The following DLGAP1 variants were observed in gnomAD, a reference collection of about 807,000 sequenced individuals.
DLGAP1 encodes DLG associated protein 1, also known as disks large-associated protein 1.
In DLGAP1, 11 loss-of-function variants were observed where a neutral mutation model predicts 90.8. The ratio of observed to expected loss-of-function variants is 0.12; its 90% CI spans 0.08 to 0.20. The LOEUF (loss-of-function observed/expected upper bound fraction) is 0.20. Ranked by LOEUF, DLGAP1 falls within the 10% of genes least tolerant of loss-of-function variation. The pLI is 1.00. For synonymous variants in DLGAP1, 558 were observed against 540.7 expected (o/e 1.03, Z -0.44); for missense variants, 1,050 against 1,333.8 (o/e 0.79, Z 3.31).
At chr18:3,576,324 A>T (rs1191994848) in intron 8 of DLGAP1, among the ~76,000 whole-genome samples, 2 of 149,174 alleles carry the variant, frequency 1.3e-5, no homozygotes, top group Non-Finnish European at 3.0e-5. Flanking sequence ...CAGTGGCGCG[A>T]TCTCGGCTCA....
intron 1 of DLGAP1, among the ~76,000 whole-genome samples, chr18:4,440,564 T>G (rs1300120476): frequency 6.6e-6 from 1 of 152,048 alleles, no homozygotes; most frequent in Non-Finnish European, 1.5e-5. Context: ...ACATTCAAAT[T>G]TGGGGGGAGG....
chr18:4,438,467 C>T (rs1323785708), intron 1 of DLGAP1, among the ~76,000 whole-genome samples: 2 of 145,098 alleles, frequency 1.4e-5, no homozygotes, highest in East Asian at 2.1e-4. Flanking sequence ...AATCTCATCT[C>T]ATATGCCCAC....
chr18:3,523,223 A>C (rs513459), intron 10 of DLGAP1, among the ~76,000 whole-genome samples: 54,487 of 151,360 alleles, frequency 0.36, 10,185 homozygotes, highest in East Asian at 0.56. Flanking sequence ...AAAATACAAA[A>C]AAATTTAGCC....
chr18:4,044,459 C>A (rs1373969163), intron 2 of DLGAP1, among the ~76,000 whole-genome samples: 5 of 152,092 alleles, frequency 3.3e-5, no homozygotes, highest in African/African-American at 1.2e-4. Flanking sequence ...AATACAAATC[C>A]CGGCCAGGCA....
intron 5 of DLGAP1, among the ~76,000 whole-genome samples, chr18:3,749,947 T>C (rs1355832975): frequency 6.6e-6 from 1 of 152,212 alleles, no homozygotes; most frequent in Non-Finnish European, 1.5e-5. Context: ...CATTTAAATA[T>C]GGTTTCTTCT....
At chr18:3,960,124 G>GA (rs2073168321) in intron 3 of DLGAP1, among the ~76,000 whole-genome samples, 1 of 152,176 alleles carries the variant, frequency 6.6e-6, no homozygotes, top group African/African-American at 2.4e-5. Context: ...GCACTCCCTT[G>GA]AAAACTCTTC....
Position 4,108,994 on chromosome 18 carries a change from C to T in DLGAP1, c.-159+42186G>A, listed in dbSNP as rs146908216. Among the ~76,000 whole-genome samples, 18 of 152,214 alleles carry T rather than the reference C, an allele frequency of 1.2e-4. 1 individual carries two copies. In the East Asian group the frequency reaches 2.1e-3, roughly 18 times the overall value. On this transcript the variant is annotated intron_variant, in intron 2 of 12. Transcript: ENST00000315677. The stretch of plus-strand genomic sequence containing the variant: ...AACAGGTATAAGTTCTAAGGAGACA[C>T]GAAAGAACTCCGTAATGTTTGGAGC...
chr18:4,289,172 G>C (rs557019098), intron 1 of DLGAP1, among the ~76,000 whole-genome samples: 1 of 152,312 alleles, frequency 6.6e-6, no homozygotes, highest in South Asian at 2.1e-4. Context: ...AAGAAGGACT[G>C]GCTGAATGAA....
chr18:3,549,258 GTGTC>G lies in DLGAP1; in HGVS notation c.2058-14647_2058-14644del, dbSNP rs368315880. ...AAAATAAATCTTTACACATTTTTTAGTGTCTGTCCTTAGGAATGCTGAAGATTTA... is the reference window on the plus strand; with the variant it reads ...AAAATAAATCTTTACACATTTTTTAGTGTCCTTAGGAATGCTGAAGATTTA... On this transcript the variant is annotated intron_variant, in intron 9 of 12. Transcript: ENST00000315677. 1.5e-3 allele frequency among the ~76,000 whole-genome samples: 235 copies of G among 151,764 alleles called. 5 individuals carry two copies. Among genetic ancestry groups the G allele is most frequent in the East Asian group, 0.013 (67 of 5,156 alleles).
chr18:4,410,041 T>C (rs1372631419), intron 1 of DLGAP1, among the ~76,000 whole-genome samples: 1 of 152,142 alleles, frequency 6.6e-6, no homozygotes, highest in Non-Finnish European at 1.5e-5. Context: ...TTATTCTAAG[T>C]GAAGTAACTC....
At chr18:4,277,366 G>A (rs2079439785) in intron 1 of DLGAP1, among the ~76,000 whole-genome samples, 2 of 152,190 alleles carry the variant, frequency 1.3e-5, no homozygotes, top group African/African-American at 4.8e-5. Context: ...GTGTGTGTGT[G>A]TAAGCTTATT....
intron 1 of DLGAP1, among the ~76,000 whole-genome samples, chr18:4,258,341 G>A (rs1176853040): frequency 6.6e-6 from 1 of 151,804 alleles, no homozygotes; most frequent in Non-Finnish European, 1.5e-5. Flanking sequence ...ACCACACCCA[G>A]CCCAGGATGC....
At chr18:3,570,681 C>A (rs1218290313) in intron 8 of DLGAP1, among the ~76,000 whole-genome samples, 2 of 151,810 alleles carry the variant, frequency 1.3e-5, no homozygotes, top group Non-Finnish European at 1.5e-5. Flanking sequence ...GTAGTCCTAG[C>A]ACTTTGGGAG....
intron 7 of DLGAP1, among the ~76,000 whole-genome samples, chr18:3,646,664 C>T (rs2059125628): frequency 1.3e-5 from 2 of 152,196 alleles, no homozygotes; most frequent in African/African-American, 4.8e-5. Context: ...GTGGCTCATG[C>T]CTGTAATCCC....
At chr18:4,074,506 T>TA (rs2075495512) in intron 2 of DLGAP1, among the ~76,000 whole-genome samples, 1 of 152,268 alleles carries the variant, frequency 6.6e-6, no homozygotes, top group East Asian at 1.9e-4. Flanking sequence ...ATTTTAATGT[T>TA]AATCTTAAAT....
intron 5 of DLGAP1, among the ~76,000 whole-genome samples, chr18:3,777,305 C>T (rs1474561460): frequency 1.3e-5 from 2 of 152,078 alleles, no homozygotes; most frequent in African/African-American, 4.8e-5. Flanking sequence ...CCCCCAGGGA[C>T]CAGAAACTTC....
intron 4 of DLGAP1, among the ~76,000 whole-genome samples, chr18:3,842,524 G>A (rs929448488): frequency 2.0e-5 from 3 of 151,948 alleles, no homozygotes; most frequent in African/African-American, 7.3e-5. Context: ...AAATGATGGA[G>A]GTTTAACTGG....
chr18:3,589,570 A>C (rs1435671563), intron 7 of DLGAP1, among the ~76,000 whole-genome samples: 1 of 152,074 alleles, frequency 6.6e-6, no homozygotes, highest in Non-Finnish European at 1.5e-5. Flanking sequence ...CTTATATATA[A>C]ATTAAATTAT....
At chr18:3,509,884 G>C (rs139841606) in intron 10 of DLGAP1, among the ~76,000 whole-genome samples, 22 of 152,100 alleles carry the variant, frequency 1.4e-4, no homozygotes, top group African/African-American at 4.6e-4. Context: ...GTATTTCAGC[G>C]TTCCCACAAG....
Sources: allele counts gnomAD v4.1 joint callset (sites outside exome capture counted in the v4.1 genomes callset), GRCh38; gene constraint gnomAD v4.1.1; transcripts MANE v1.5; gene names NCBI Gene and HGNC (gene_info 2026-07-23, HGNC 2026-07-21).